TMEM191C: variants seen among roughly 807,000 people sequenced by gnomAD.
The protein encoded by TMEM191C is transmembrane protein 191C, also known as KB-1323B2.6.
TMEM191C carries 26 observed loss-of-function variants against 37.1 expected under a neutral mutation model. The ratio of observed to expected loss-of-function variants is 0.70; its 90% CI spans 0.51 to 0.97. TMEM191C has a LOEUF of 0.97. Ranked by LOEUF, TMEM191C falls within the 50% of genes least tolerant of loss-of-function variation. The pLI, the probability that TMEM191C is intolerant of heterozygous loss-of-function variation, is 0.00. For missense variants in TMEM191C, 240 were observed against 294.7 expected (o/e 0.81, Z 1.36); for synonymous variants, 115 against 143.7 (o/e 0.80, Z 1.43).
intron 4 of TMEM191C, 170 bp from the exon 5 acceptor site, chr22:21,468,609 C>T (rs1601352885): frequency 7.9e-7 from 1 of 1,258,126 alleles, no homozygotes; most frequent in Non-Finnish European, 1.1e-6. Flanking sequence ...GGGCGGAGCG[C>T]GGAGGGGGCG....
chr22:21,467,866 T>C (rs1924577905), intron 1 of TMEM191C, 28 bp from the exon 2 acceptor site: 8 of 556,490 alleles, frequency 1.4e-5, no homozygotes, highest in Non-Finnish European at 2.5e-5. Context: ...GTCCGCCTTG[T>C]AGCGCCAACC....
chr22:21,469,144 G>A lies in TMEM191C; in HGVS notation c.540G>A (p.Lys180=). The stretch of plus-strand genomic sequence containing the variant: ...ACCCGCTCCAGGAGGTGCAGGTGAA[G>A]GTGATGGAGGCTGCGGAGGAGCTGG... ...QTVVLQEVQV[K]VMEAAEELDA... The change falls in exon 7 of 10, where the codon AAG becomes AAA. Residue 180 remains lysine (K), a synonymous_variant. Coordinates refer to ENST00000536718, the MANE Select transcript of TMEM191C (RefSeq NM_001388354.1). 1.8e-6 allele frequency: 1 copy of A among 570,720 alleles called. No individual in the cohort carries two copies. Among genetic ancestry groups the A allele is most frequent in the East Asian group, 2.8e-5 (1 of 35,124 alleles). The allele number at this position is 570,720 out of a possible 1,614,324, so 35.4% of individuals were successfully genotyped here. A position where few individuals can be genotyped will look rare whatever the true frequency, so the allele number is the denominator to read the frequency against.
chr22:21,469,529 C>A lies in TMEM191C; in HGVS notation c.699C>A (p.Ala233=). Reference sequence around the variant, plus strand: ...TGTTCGGCGGCCCTCGCGCGCTGGCCATCAGGTGAGCCGGGCGGTGGGCGC... The same window carrying A: ...TGTTCGGCGGCCCTCGCGCGCTGGCAATCAGGTGAGCCGGGCGGTGGGCGC... ...TRLFGGPRAL[A]IRRCVLGALQ... The change falls in exon 9 of 10, where the codon GCC becomes GCA. Residue 233 remains alanine, a synonymous_variant. Coordinates refer to ENST00000536718, the MANE Select transcript of TMEM191C (RefSeq NM_001388354.1). 7.3e-7 allele frequency: 1 copy of A among 1,368,988 alleles called. No homozygotes were observed. The highest frequency in any genetic ancestry group is 9.3e-7 in the Non-Finnish European group (1 of 1,070,798). The allele number at this position is 1,368,988 out of a possible 1,614,324, so 84.8% of individuals were successfully genotyped here. A position where few individuals can be genotyped will look rare whatever the true frequency, so the allele number is the denominator to read the frequency against.
intron 1 of TMEM191C, 29 bp downstream of exon 1, chr22:21,467,643 G>A: frequency 6.6e-7 from 1 of 1,505,670 alleles, no homozygotes; most frequent in Non-Finnish European, 8.8e-7. Context: ...TCTACCTGGC[G>A]GGCGCGCGAG....
Position 21,469,290 on chromosome 22 carries a change from C to T in TMEM191C, c.607C>T (p.Arg203Cys). The T allele has an allele frequency of 2.1e-6, 3 of 1,438,230 alleles. No homozygotes were observed. The highest frequency in any genetic ancestry group is 2.7e-6 in the Non-Finnish European group (3 of 1,102,488). 89.1% of individuals were successfully genotyped at this position (1,438,230 alleles called of 1,614,324 possible). Residue 203 changes from arginine to cysteine, a missense_variant, in exon 8 of 10, where the codon CGC becomes TGC. By Grantham distance (180) the Arg-to-Cys change is radical. Around this residue, in one of 3 missense-constraint regions of TMEM191C, gnomAD observed 34 missense variants for 89.0 expected, o/e 0.38. Transcript: ENST00000536718. ...SGRELCDGQL[R>C]GVQYSTESLM... The stretch of plus-strand genomic sequence containing the variant: ...TCCCCGCAGGTGTGACGGGCAGCTT[C>T]GCGGAGTGCAGTACAGCACCGAATC...
At chr22:21,468,720 G>A in intron 4 of TMEM191C, 59 bp from the exon 5 acceptor site, 2 of 595,084 alleles carry the variant, frequency 3.4e-6, no homozygotes, top group Non-Finnish European at 2.9e-6. Flanking sequence ...GGCGGGGCCC[G>A]GAGGCGCAGC....
chr22:21,468,395 G>A lies in TMEM191C; in HGVS notation c.372G>A (p.Thr124=), dbSNP rs1924611435. ...YGGELQSQKS[T]EQQLAAQLVT... is the part of the protein sequence containing the mutation. ...GGGAACTGCAGAGCCAGAAGAGCAC[G>A]GAGCAGCAACTCGCAGCCCAATTGG... is the stretch of plus-strand genomic sequence containing the variant. Residue 124 remains threonine, a synonymous_variant, in exon 4 of 10, where the codon ACG becomes ACA. Transcript: ENST00000536718. The A allele has an allele frequency of 6.5e-7, 1 of 1,534,276 alleles. No individual in the cohort carries two copies. The highest frequency in any genetic ancestry group is 8.7e-7 in the Non-Finnish European group (1 of 1,146,550).
Position 21,469,551 on chromosome 22 carries a change from G to T in TMEM191C, c.704+17G>T. ...GGCCATCAGGTGAGCCGGGCGGTGG[G>T]CGCGGCCGCGGTCCCCCAGGTGCCC... On this transcript the variant is annotated intron_variant, in intron 9 of 9. Coordinates refer to ENST00000536718, the MANE Select transcript of TMEM191C (RefSeq NM_001388354.1). 7.2e-7 allele frequency: 1 copy of T among 1,391,888 alleles called. No homozygotes were observed. Among genetic ancestry groups the T allele is most frequent in the Non-Finnish European group, 9.2e-7 (1 of 1,084,968 alleles). The allele number at this position is 1,391,888 out of a possible 1,614,324, so 86.2% of individuals were successfully genotyped here. A position where few individuals can be genotyped will look rare whatever the true frequency, so the allele number is the denominator to read the frequency against.
At position 21,469,486 on chromosome 22, in the gene TMEM191C, C is replaced by T; in HGVS notation, c.664-8C>T. On this transcript the variant is annotated splice_polypyrimidine_tract_variant and splice_region_variant and intron_variant, in intron 8 of 9. Coordinates refer to ENST00000536718, the MANE Select transcript of TMEM191C (RefSeq NM_001388354.1). Reference sequence around the variant, plus strand: ...GAGGTAGCTGGATGCGGCCCTCTCTCCCCGCAGGAGACGCGGCTGTTCGGC... The same window carrying T: ...GAGGTAGCTGGATGCGGCCCTCTCTTCCCGCAGGAGACGCGGCTGTTCGGC... The T allele has an allele frequency of 1.1e-5, 15 of 1,352,302 alleles. 1 individual carries two copies. The highest frequency in any genetic ancestry group is 1.7e-5 in the South Asian group (1 of 57,374). The allele number at this position is 1,352,302 out of a possible 1,614,324, so 83.8% of individuals were successfully genotyped here. A position where few individuals can be genotyped will look rare whatever the true frequency, so the allele number is the denominator to read the frequency against.
At chr22:21,469,390 C>A in intron 8 of TMEM191C, 44 bp downstream of exon 8, 1 of 1,296,436 alleles carries the variant, frequency 7.7e-7, no homozygotes, top group Non-Finnish European at 9.8e-7. Context: ...TGGAGCGGGA[C>A]AACCCTCCCC....
Position 21,469,893 on chromosome 22 carries a change from T to C in TMEM191C, c.*72T>C. On this transcript the variant is annotated 3_prime_UTR_variant, in exon 10 of 10. Coordinates refer to ENST00000536718, the MANE Select transcript of TMEM191C (RefSeq NM_001388354.1). ...CTTTATTTCTGGTGCACTCCTCTCC[T>C]GAGAGTGTAGACCAAGGTTGCCTAA... 1 of 1,451,654 alleles carries C rather than the reference T, an allele frequency of 6.9e-7. No individual in the cohort carries two copies. The allele number at this position is 1,451,654 out of a possible 1,614,324, so 89.9% of individuals were successfully genotyped here.
At chr22:21,467,764 C>A in intron 1 of TMEM191C, 130 bp from the exon 2 acceptor site, 2 of 457,558 alleles carry the variant, frequency 4.4e-6, no homozygotes, top group Non-Finnish European at 7.4e-6. Context: ...ACCCAGCGGA[C>A]CCAGGTGGGG....
intron 2 of TMEM191C, 37 bp downstream of exon 2, chr22:21,468,054 TGGGGTGGGGCAGGGC>T: frequency 1.1e-6 from 1 of 875,016 alleles, no homozygotes; most frequent in Non-Finnish European, 1.7e-6. Flanking sequence ...GGACCCAGGG[TGGGGTGGGGCAGGGC>T]GGGCGGAAGG....
chr22:21,468,304 C>T (rs1427666962), intron 3 of TMEM191C, 50 bp from the exon 4 acceptor site: 1 of 1,535,378 alleles, frequency 6.5e-7, no homozygotes, highest in African/African-American at 1.4e-5. Flanking sequence ...CCCTGACACC[C>T]GTTCCTCCAG....
Position 21,469,535 on chromosome 22 carries a change from G to GT in TMEM191C, c.704+2dup. 7.3e-7 allele frequency: 1 copy of GT among 1,375,202 alleles called. No homozygotes were observed. Among genetic ancestry groups the GT allele is most frequent in the Non-Finnish European group, 9.3e-7 (1 of 1,074,952 alleles). 85.2% of individuals were successfully genotyped at this position (1,375,202 alleles called of 1,614,324 possible). On this transcript the variant is annotated splice_donor_variant, in intron 9 of 9. Transcript: ENST00000536718. LOFTEE classifies it high-confidence loss of function. ...GCGGCCCTCGCGCGCTGGCCATCAG[G>GT]TGAGCCGGGCGGTGGGCGCGGCCGC...
chr22:21,468,298 G>A (rs1924604599), intron 3 of TMEM191C, 56 bp from the exon 4 acceptor site: 1 of 1,535,166 alleles, frequency 6.5e-7, no homozygotes, highest in South Asian at 1.2e-5. Flanking sequence ...TGTCTCCCCT[G>A]ACACCCGTTC....
intron 8 of TMEM191C, 53 bp from the exon 9 acceptor site, chr22:21,469,441 G>C (rs1924659496): frequency 1.5e-6 from 2 of 1,334,814 alleles, no homozygotes; most frequent in Admixed American, 8.2e-5. Context: ...CCTGGAAACC[G>C]GGCCGGCGCC....
At chr22:21,469,246 G>C (rs1182944042) in intron 7 of TMEM191C, 28 bp from the exon 8 acceptor site, 2 of 1,498,206 alleles carry the variant, frequency 1.3e-6, no homozygotes, top group East Asian at 2.5e-5. Context: ...GCCGGGATGG[G>C]CTCCCACCTG....
chr22:21,468,867 G>A, intron 5 of TMEM191C, 32 bp downstream of exon 5: 3 of 617,430 alleles, frequency 4.9e-6, no homozygotes, highest in East Asian at 2.9e-5. Context: ...GTTGGAGGAG[G>A]GTAGGCTTTC....
Sources: gnomAD v4.1 joint callset for allele counts on GRCh38, gnomAD v4.1.1 for gene constraint, gnomAD v4.1.1 regional missense constraint, MANE v1.5 for transcripts, NCBI Gene and HGNC (gene_info 2026-07-23, HGNC 2026-07-21) for gene names.